Variants in SNX18 observed in about 807,000 individuals in gnomAD.
The protein encoded by SNX18 is sorting nexin 18.
In SNX18, 35 loss-of-function variants were observed where a neutral mutation model predicts 48.7. That is an observed-to-expected ratio of 0.72 (90% CI 0.55 to 0.95). The LOEUF is 0.95. Ranked by LOEUF, SNX18 falls within the 40% of genes least tolerant of loss-of-function variation. The pLI, the probability that SNX18 is intolerant of heterozygous loss-of-function variation, is 0.00. For missense variants in SNX18, 824 were observed against 871.0 expected (o/e 0.95, Z 0.68); for synonymous variants, 492 against 384.7 (o/e 1.28, Z -3.26).
chr5:54,536,098 A>G (rs1762348339), intron 1 of SNX18, among the ~76,000 whole-genome samples: 1 of 152,182 alleles, frequency 6.6e-6, no homozygotes, highest in African/African-American at 2.4e-5. Flanking sequence ...TGAAGAAGAA[A>G]TAGCTGCAGT....
chr5:54,593,849 T>C, the SNX18 span, among the ~76,000 whole-genome samples: 1 of 152,176 alleles, frequency 6.6e-6, no homozygotes, highest in African/African-American at 2.4e-5. Context: ...AAAAAATGAA[T>C]TTCAGTCTTC....
chr5:54,561,743 A>C, the SNX18 span, among the ~76,000 whole-genome samples: 7 of 152,310 alleles, frequency 4.6e-5, no homozygotes, highest in South Asian at 1.4e-3. Flanking sequence ...TTATGTGTAC[A>C]ACAGACTAAC....
At chr5:54,520,371 A>G (rs559540813) in intron 1 of SNX18, 6 of 170,526 alleles carry the variant, frequency 3.5e-5, no homozygotes, top group Non-Finnish European at 7.1e-5. Flanking sequence ...TTGCAAATTA[A>G]AAAAATATAT....
rs774201973 is a variant in SNX18 at position 54,519,524 on chromosome 5, G to T, written c.1572G>T (p.Leu524=). 1.9e-6 allele frequency: 3 copies of T among 1,614,226 alleles called. No individual in the cohort carries two copies. Among genetic ancestry groups the T allele is most frequent in the African/African-American group, 1.3e-5 (1 of 75,066 alleles). The change falls in exon 1 of 2, where the codon CTG becomes CTT. Residue 524 remains leucine, a synonymous_variant. Coordinates refer to ENST00000381410, the MANE Select transcript of SNX18 (RefSeq NM_001102575.2). The part of the protein sequence containing the change: ...DLDPVMDLLA[L]YQGHLANFPD... ...ATCCCGTCATGGACCTATTAGCGCT[G>T]TATCAGGGGCATCTGGCTAACTTCC...
rs1412257840 is a variant in SNX18 at position 54,543,669 on chromosome 5, T to C, written c.*237T>C. ...TATACTATGTATGCCTACACTACCA[T>C]TGTAACTTTTGGAATAATGATTATA... On this transcript the variant is annotated 3_prime_UTR_variant, in exon 2 of 2. Coordinates refer to ENST00000381410, the MANE Select transcript of SNX18 (RefSeq NM_001102575.2). 6.5e-6 allele frequency: 3 copies of C among 464,086 alleles called. No homozygotes were observed. The highest frequency in any genetic ancestry group is 1.1e-5 in the Non-Finnish European group (3 of 262,726). The allele number at this position is 464,086 out of a possible 1,614,324, so 28.7% of individuals were successfully genotyped here.
chr5:54,575,843 C>T, the SNX18 span, among the ~76,000 whole-genome samples: 1 of 152,148 alleles, frequency 6.6e-6, no homozygotes, highest in Non-Finnish European at 1.5e-5. Context: ...TCCTTCACCC[C>T]CATGTAACCC....
rs543896605 is a variant in SNX18 at position 54,545,938 on chromosome 5, C to G, written c.*2506C>G. 1 of 152,112 alleles carries G rather than the reference C, an allele frequency of 6.6e-6. No homozygotes were observed. Among genetic ancestry groups the G allele is most frequent in the Non-Finnish European group, 1.5e-5 (1 of 68,032 alleles). 9.4% of individuals were successfully genotyped at this position (152,112 alleles called of 1,614,324 possible). On this transcript the variant is annotated 3_prime_UTR_variant, in exon 2 of 2. Transcript: ENST00000381410. ...ATGTGTTTGTAACACAGGGTGTGCACTTGAGCCTGGTTTTACTGTTTTTAT... is the reference window on the plus strand; with the variant it reads ...ATGTGTTTGTAACACAGGGTGTGCAGTTGAGCCTGGTTTTACTGTTTTTAT...
rs77662335 is a variant in SNX18 at position 54,535,582 on chromosome 5, G to T, written c.1622-7597G>T. Reference sequence around the variant, plus strand: ...CAATACACTAATCCACTCAATCTGTGCCCACAAAGAGGGTAATAGGTCTCC... The same window carrying T: ...CAATACACTAATCCACTCAATCTGTTCCCACAAAGAGGGTAATAGGTCTCC... On this transcript the variant is annotated intron_variant, in intron 1 of 1. Transcript: ENST00000381410. 1.6e-4 allele frequency among the ~76,000 whole-genome samples: 25 copies of T among 152,264 alleles called. No individual in the cohort carries two copies. The East Asian group carries it at 4.8e-3, about 29-fold the overall frequency.
chr5:54,609,206 T>C, the SNX18 span, among the ~76,000 whole-genome samples: 1 of 152,202 alleles, frequency 6.6e-6, no homozygotes, highest in Non-Finnish European at 1.5e-5. Context: ...AAAATGCAGC[T>C]AGTGCCACCG....
chr5:54,572,274 C>T, the SNX18 span, among the ~76,000 whole-genome samples: 2 of 152,084 alleles, frequency 1.3e-5, no homozygotes, highest in Admixed American at 6.5e-5. Context: ...ATAGACTTGA[C>T]GTCTGGAGCT....
chr5:54,591,967 T>A, the SNX18 span, among the ~76,000 whole-genome samples: 1 of 152,258 alleles, frequency 6.6e-6, no homozygotes, highest in African/African-American at 2.4e-5. Context: ...CTGATATAAC[T>A]ACCTTCTGTA....
At chr5:54,625,221 A>T in the SNX18 span, among the ~76,000 whole-genome samples, 3 of 152,174 alleles carry the variant, frequency 2.0e-5, no homozygotes, top group African/African-American at 7.2e-5. Context: ...CCTCCAAAAC[A>T]TAGTGGATTA....
chr5:54,589,366 G>C, the SNX18 span, among the ~76,000 whole-genome samples: 1 of 152,064 alleles, frequency 6.6e-6, no homozygotes, highest in Non-Finnish European at 1.5e-5. Context: ...ATATTTGCTT[G>C]TGTGGCAAAC....
At chr5:54,558,484 A>T in the SNX18 span, among the ~76,000 whole-genome samples, 3 of 152,212 alleles carry the variant, frequency 2.0e-5, no homozygotes, top group East Asian at 5.8e-4. Flanking sequence ...TTATTAAATT[A>T]GCCCCTGACC....
chr5:54,523,515 CT>C (rs1561114501), intron 1 of SNX18, among the ~76,000 whole-genome samples: 1 of 152,254 alleles, frequency 6.6e-6, no homozygotes, highest in East Asian at 1.9e-4. Flanking sequence ...AGTGAAATGT[CT>C]TTCTTCTAGA....
At chr5:54,575,598 T>C in the SNX18 span, among the ~76,000 whole-genome samples, 2 of 152,044 alleles carry the variant, frequency 1.3e-5, no homozygotes. Context: ...ACTCCTGACC[T>C]CGTGATCTGC....
chr5:54,537,592 A>G (rs959926205), intron 1 of SNX18, among the ~76,000 whole-genome samples: 5 of 152,074 alleles, frequency 3.3e-5, no homozygotes, highest in Non-Finnish European at 5.9e-5. Flanking sequence ...CTTAAACTTC[A>G]TTATATAATT....
Position 54,525,140 on chromosome 5 carries a change from G to GTGA in SNX18, c.1621+5567_1621+5568insTGA, listed in dbSNP as rs1364102685. ...CCTGCGTAACGCTCACTTATCTTTG[G>GTGA]CCAAGTGGGGGCACTTCCTCACGAG... is the stretch of plus-strand genomic sequence containing the variant. On this transcript the variant is annotated intron_variant, in intron 1 of 1. Coordinates refer to ENST00000381410, the MANE Select transcript of SNX18 (RefSeq NM_001102575.2). Among the ~76,000 whole-genome samples, 4 of 152,212 alleles carry GTGA rather than the reference G, an allele frequency of 2.6e-5. No individual in the cohort carries two copies. In the East Asian group the frequency reaches 7.7e-4, roughly 29 times the overall value.
chr5:54,599,023 T>G, the SNX18 span, among the ~76,000 whole-genome samples: 1 of 152,338 alleles, frequency 6.6e-6, no homozygotes, highest in African/African-American at 2.4e-5. Context: ...GATAAGCAAC[T>G]TCAGCAAAGT....
Sources: allele counts gnomAD v4.1 joint callset (sites outside exome capture counted in the v4.1 genomes callset), GRCh38; gene constraint gnomAD v4.1.1; transcripts MANE v1.5; gene names NCBI Gene and HGNC (gene_info 2026-07-23, HGNC 2026-07-21).